Variants in LAMB4 observed in about 807,000 individuals in gnomAD.
LAMB4 encodes laminin subunit beta-4.
Under a neutral mutation model 199.2 loss-of-function variants are expected in LAMB4, and 196 were observed. The observed-to-expected ratio is 0.98, with a 90% CI of 0.88 to 1.11. The LOEUF is 1.11. LAMB4 is among the 50% of genes least tolerant of loss of function. LAMB4 has a pLI of 0.00. For synonymous variants in LAMB4, 744 were observed against 770.6 expected (o/e 0.97, Z 0.57); for missense variants, 2,080 against 2,171.2 (o/e 0.96, Z 0.83).
chr7:108,113,099 CA>C (rs2038287843), intron 3 of LAMB4, among the ~76,000 whole-genome samples: 1 of 152,234 alleles, frequency 6.6e-6, no homozygotes, highest in Non-Finnish European at 1.5e-5. Flanking sequence ...AGAATGCCTT[CA>C]TTTCAAAGAG....
At chr7:108,042,937 CTGTGTGTGTGTGTGTGTGTGTGTGTG>C (rs754739499) in intron 29 of LAMB4, among the ~76,000 whole-genome samples, 1 of 140,292 alleles carries the variant, frequency 7.1e-6, no homozygotes, top group South Asian at 2.3e-4. Flanking sequence ...CTCTCAATCT[CTGTGTGTGTGTGTGTGTGTGTGTGTG>C]TGTGTGTGTG....
intron 11 of LAMB4, among the ~76,000 whole-genome samples, chr7:108,097,193 G>A (rs1029147024): frequency 6.6e-6 from 1 of 152,086 alleles, no homozygotes; most frequent in Non-Finnish European, 1.5e-5. Flanking sequence ...TTCTAAACAT[G>A]CAAATAATCC....
intron 6 of LAMB4, 30 bp from the exon 7 acceptor site, chr7:108,106,602 T>A: frequency 8.2e-7 from 1 of 1,219,078 alleles, no homozygotes; most frequent in Non-Finnish European, 1.2e-6. Context: ...ACATTTATAG[T>A]ATATTACCTG....
At chr7:108,050,976 G>T (rs1399640023) in intron 26 of LAMB4, among the ~76,000 whole-genome samples, 1 of 152,136 alleles carries the variant, frequency 6.6e-6, no homozygotes, top group Non-Finnish European at 1.5e-5. Flanking sequence ...ATAACTCAAA[G>T]GTAGGGACTT....
At chr7:108,103,295 C>T (rs554060138) in intron 9 of LAMB4, 63 bp from the exon 10 acceptor site, 6 of 1,357,212 alleles carry the variant, frequency 4.4e-6, no homozygotes, top group Non-Finnish European at 6.0e-6. Flanking sequence ...GCCAGTGCCC[C>T]CGCACTGGTC....
chr7:108,036,535 A>C (rs2035237074), intron 30 of LAMB4, among the ~76,000 whole-genome samples: 1 of 152,038 alleles, frequency 6.6e-6, no homozygotes. Context: ...TCCTCGTTTT[A>C]AATATTAAAC....
At chr7:108,108,711 A>G (rs546174491) in intron 5 of LAMB4, among the ~76,000 whole-genome samples, 1 of 152,076 alleles carries the variant, frequency 6.6e-6, no homozygotes, top group East Asian at 1.9e-4. Flanking sequence ...AAACGAGCAT[A>G]AAGTCTGACA....
chr7:108,104,184 C>T (rs946942013), intron 9 of LAMB4, among the ~76,000 whole-genome samples: 1 of 151,874 alleles, frequency 6.6e-6, no homozygotes, highest in East Asian at 1.9e-4. Context: ...GCCTAGTGTT[C>T]ACCAAATTCT....
chr7:108,075,668 T>G (rs2036672871), intron 17 of LAMB4: 1 of 152,120 alleles, frequency 6.6e-6, no homozygotes, highest in South Asian at 2.1e-4. Flanking sequence ...TCTTAAAAAT[T>G]AATTGGGGAG....
chr7:108,033,208 C>T (rs914119904), intron 31 of LAMB4, among the ~76,000 whole-genome samples: 11 of 152,132 alleles, frequency 7.2e-5, no homozygotes, highest in African/African-American at 1.2e-4. Flanking sequence ...AAGTCTCTAT[C>T]CCAAATATTT....
chr7:108,125,118 C>T (rs1472918557), intron 1 of LAMB4, among the ~76,000 whole-genome samples: 1 of 152,186 alleles, frequency 6.6e-6, no homozygotes, highest in Non-Finnish European at 1.5e-5. Context: ...TTGGAAAAGT[C>T]TGCAATCTTG....
At chr7:108,012,305 C>A in the LAMB4 span, among the ~76,000 whole-genome samples, 2 of 152,048 alleles carry the variant, frequency 1.3e-5, no homozygotes, top group Non-Finnish European at 1.5e-5. Flanking sequence ...GGAGGCATAG[C>A]AAATGATAAC....
intron 1 of LAMB4, among the ~76,000 whole-genome samples, chr7:108,123,593 T>A (rs751892050): frequency 9.2e-5 from 14 of 152,188 alleles, no homozygotes; most frequent in Non-Finnish European, 1.5e-4. Context: ...AAATATCACC[T>A]ATAATACCAC....
chr7:108,085,689 C>T (rs974451000), intron 14 of LAMB4, among the ~76,000 whole-genome samples: 8 of 152,118 alleles, frequency 5.3e-5, no homozygotes, highest in African/African-American at 1.9e-4. Context: ...TCTTGGCTCA[C>T]TGCAAGCTCT....
chr7:108,066,530 A>G lies in LAMB4; in HGVS notation c.2517T>C (p.His839=). The part of the protein sequence containing the change: ...CDQVTGQCPC[H]GEVSGRRCDR... ...CACAGCGGCGGCCAGACACCTCTCC[A>G]TGGCAGGGGCACTGTCCTGTTACTT... The change falls in exon 20 of 34, where the codon CAT becomes CAC. Residue 839 remains histidine (H), a synonymous_variant. Coordinates refer to ENST00000388781, the MANE Select transcript of LAMB4 (RefSeq NM_007356.3). 6.2e-7 allele frequency: 1 copy of G among 1,613,990 alleles called. No homozygotes were observed.
At chr7:108,031,836 C>G (rs988087108) in intron 31 of LAMB4, among the ~76,000 whole-genome samples, 1 of 152,142 alleles carries the variant, frequency 6.6e-6, no homozygotes, top group Admixed American at 6.5e-5. Context: ...TTTCCCCTTA[C>G]AAACAGTAAT....
chr7:108,027,990 G>A (rs2034896212), intron 33 of LAMB4, among the ~76,000 whole-genome samples: 1 of 152,152 alleles, frequency 6.6e-6, no homozygotes, highest in Admixed American at 6.5e-5. Context: ...TGCCATATTG[G>A]CCAGGCTGGT....
Position 108,025,383 on chromosome 7 carries a change from CT to C in LAMB4, c.5147-1206del, listed in dbSNP as rs1237019900. 1.5e-3 allele frequency among the ~76,000 whole-genome samples: 156 copies of C among 102,884 alleles called. 10 individuals carry two copies. Among genetic ancestry groups the C allele is most frequent in the African/African-American group, 0.011 (111 of 10,146 alleles). 67.5% of individuals were successfully genotyped at this position (102,884 alleles called of 152,430 possible). On this transcript the variant is annotated intron_variant, in intron 33 of 33. Coordinates refer to ENST00000388781, the MANE Select transcript of LAMB4 (RefSeq NM_007356.3). ...ACTAGATTCTTTCTTTCTTTCTTTT[CT>C]TTTCTTTTCTTTCTTTCTTTCTTTC...
At chr7:108,065,150 C>A (rs6955363) in intron 21 of LAMB4, among the ~76,000 whole-genome samples, 18,664 of 152,082 alleles carry the variant, frequency 0.12, 1,475 homozygotes, top group East Asian at 0.29. Flanking sequence ...TCAAGTAATC[C>A]TCCCTCACCC....
Sources: gnomAD v4.1 joint callset for allele counts (sites outside exome capture counted in the v4.1 genomes callset) on GRCh38, gnomAD v4.1.1 for gene constraint, MANE v1.5 for transcripts, NCBI Gene and HGNC (gene_info 2026-07-23, HGNC 2026-07-21) for gene names.